The following TLK1 variants were observed in gnomAD, a reference collection of about 807,000 sequenced individuals.
TLK1 encodes the protein serine/threonine-protein kinase tousled-like 1.
TLK1 carries 24 observed loss-of-function variants against 105.3 expected under a neutral mutation model. The ratio of observed to expected loss-of-function variants is 0.23; its 90% CI spans 0.17 to 0.32. The LOEUF (loss-of-function observed/expected upper bound fraction) is 0.32, where lower values mean the gene tolerates loss of function less well. TLK1 is among the 10% of genes least tolerant of loss of function. TLK1 has a pLI of 1.00. For synonymous variants in TLK1, 321 were observed against 310.4 expected (o/e 1.03, Z -0.36); for missense variants, 558 against 910.5 (o/e 0.61, Z 4.98).
chr2:171,177,658 A>G (rs1558981657), intron 1 of TLK1, among the ~76,000 whole-genome samples: 2 of 152,242 alleles, frequency 1.3e-5, no homozygotes, highest in Non-Finnish European at 2.9e-5. Flanking sequence ...AAGTGATAGA[A>G]GTACAGCAAT....
At chr2:171,184,819 C>T (rs1692994255) in intron 1 of TLK1, among the ~76,000 whole-genome samples, 1 of 150,522 alleles carries the variant, frequency 6.6e-6, no homozygotes, top group Admixed American at 6.6e-5. Context: ...TCTCTTTTCA[C>T]CATTTATAAT....
intron 1 of TLK1, among the ~76,000 whole-genome samples, chr2:171,197,476 T>A (rs1693296931): frequency 6.6e-6 from 1 of 152,150 alleles, no homozygotes; most frequent in Non-Finnish European, 1.5e-5. Context: ...ACTACCTGCA[T>A]CAGAATCACT....
At position 171,160,731 on chromosome 2, in the gene TLK1, GGGCC is replaced by G. The variant is rs1427108035; in HGVS notation, c.-307_-304del. The G allele has an allele frequency of 8.8e-6, 4 of 452,934 alleles. No homozygotes were observed. Among genetic ancestry groups the G allele is most frequent in the Non-Finnish European group, 1.5e-5 (4 of 264,228 alleles). 28.1% of individuals were successfully genotyped at this position (452,934 alleles called of 1,614,324 possible). ...CGGAGGCGTCGAGGGGGTGCCAGCC[GGGCC>G]GGGGTCGGAGCGCGGGCGGAGCGCG... On this transcript the variant is annotated 5_prime_UTR_variant, in exon 1 of 21. Transcript: ENST00000431350. This position sits in a 1 kb window ranked among gnomAD's most constrained non-coding sequence, Gnocchi z 4.4.
At chr2:171,119,998 G>C (rs948326320) in intron 1 of TLK1, among the ~76,000 whole-genome samples, 2 of 152,104 alleles carry the variant, frequency 1.3e-5, no homozygotes, top group African/African-American at 2.4e-5. Flanking sequence ...TGAAATCCCA[G>C]CACTTTGGGA....
upstream of TLK1, among the ~76,000 whole-genome samples, chr2:171,164,848 C>T (rs1359905728): frequency 6.6e-6 from 1 of 151,876 alleles, no homozygotes; most frequent in Non-Finnish European, 1.5e-5. Context: ...AGACTGGGCA[C>T]GGTGCCTCAC....
chr2:171,075,705 C>G (rs1688470011), intron 3 of TLK1, among the ~76,000 whole-genome samples: 1 of 152,022 alleles, frequency 6.6e-6, no homozygotes. Flanking sequence ...ATAAATAAAG[C>G]AGATAAATGT....
At chr2:171,087,867 G>A (rs767172490) in intron 2 of TLK1, among the ~76,000 whole-genome samples, 1 of 152,188 alleles carries the variant, frequency 6.6e-6, no homozygotes, top group Non-Finnish European at 1.5e-5. Context: ...AAACAGAGAA[G>A]GTTAAGTAGA....
At chr2:171,031,404 T>C (rs1364268529) in intron 11 of TLK1, among the ~76,000 whole-genome samples, 1 of 152,202 alleles carries the variant, frequency 6.6e-6, no homozygotes, top group Non-Finnish European at 1.5e-5. Flanking sequence ...TCAGTGGCTT[T>C]TAATTATCAA....
intron 12 of TLK1, among the ~76,000 whole-genome samples, chr2:171,023,472 A>G (rs1306167994): frequency 6.6e-6 from 1 of 151,980 alleles, no homozygotes; most frequent in African/African-American, 2.4e-5. Context: ...TCCCTACTAC[A>G]CTATTTAATA....
At chr2:171,199,053 G>C (rs1693349664) in intron 1 of TLK1, among the ~76,000 whole-genome samples, 1 of 152,168 alleles carries the variant, frequency 6.6e-6, no homozygotes, top group African/African-American at 2.4e-5. Flanking sequence ...TTTCAAAAAA[G>C]GGAAAGGATT....
intron 11 of TLK1, among the ~76,000 whole-genome samples, chr2:171,038,914 T>G (rs941089256): frequency 6.6e-6 from 1 of 152,190 alleles, no homozygotes; most frequent in Admixed American, 6.5e-5. Context: ...CATGTTCTAT[T>G]TCTAAGAAAT....
At chr2:171,122,243 C>A (rs982860476) in intron 1 of TLK1, among the ~76,000 whole-genome samples, 5 of 152,132 alleles carry the variant, frequency 3.3e-5, no homozygotes, top group African/African-American at 4.8e-5. Flanking sequence ...GGATTACAGG[C>A]GTGAGCCACC....
chr2:170,993,982 C>T (rs1683921948), intron 20 of TLK1, 26 bp from the exon 21 acceptor site: 2 of 1,557,340 alleles, frequency 1.3e-6, no homozygotes, highest in African/African-American at 1.4e-5. Context: ...GAAATGTTAG[C>T]AATTAATGAT....
At chr2:171,142,509 A>C (rs1377136091) in intron 1 of TLK1, among the ~76,000 whole-genome samples, 2 of 152,234 alleles carry the variant, frequency 1.3e-5, no homozygotes, top group Admixed American at 6.5e-5. Flanking sequence ...CTACAAGGTA[A>C]AATGCAATAC....
chr2:171,008,831 A>G lies in TLK1; in HGVS notation c.1417-1768T>C, dbSNP rs904654044. Among the ~76,000 whole-genome samples, 3 of 7,746 alleles carry G rather than the reference A, an allele frequency of 3.9e-4. No homozygotes were observed. The Non-Finnish European group carries it at 9.9e-3, about 26-fold the overall frequency. 5.1% of individuals were successfully genotyped at this position (7,746 alleles called of 152,430 possible). A position where few individuals can be genotyped will look rare whatever the true frequency, so the allele number is the denominator to read the frequency against. ...AATCTCTATGTAAGCCTCTTCTACA[A>G]AAGTCCTCACCTATGAGGGTAAAAT... On this transcript the variant is annotated intron_variant, in intron 14 of 20. Coordinates refer to ENST00000431350, the MANE Select transcript of TLK1 (RefSeq NM_012290.5).
At chr2:171,148,890 A>AAAAAAAAAAAATATATAT (rs1445171800) in intron 1 of TLK1, among the ~76,000 whole-genome samples, 2 of 138,470 alleles carry the variant, frequency 1.4e-5, no homozygotes, top group African/African-American at 5.4e-5. Context: ...AAAAAAAAAA[A>AAAAAAAAAAAATATATAT]ATATATATAT....
At chr2:171,122,136 G>A (rs545269213) in intron 1 of TLK1, among the ~76,000 whole-genome samples, 4 of 152,152 alleles carry the variant, frequency 2.6e-5, no homozygotes, top group African/African-American at 7.2e-5. Context: ...TAGTGAAGAC[G>A]GGGTTTCACC....
intron 1 of TLK1, among the ~76,000 whole-genome samples, chr2:171,173,383 T>G (rs2105303560): frequency 6.6e-6 from 1 of 152,302 alleles, no homozygotes; most frequent in Middle Eastern, 3.4e-3. Flanking sequence ...CAGGCTGTAG[T>G]GCAGTGGTGT....
At chr2:171,043,592 T>C (rs140725631) in intron 11 of TLK1, among the ~76,000 whole-genome samples, 1 of 152,072 alleles carries the variant, frequency 6.6e-6, no homozygotes, top group African/African-American at 2.4e-5. Context: ...AGGGAGAGAT[T>C]ATAAACATCA....
Sources: gnomAD v4.1 joint callset for allele counts (sites outside exome capture counted in the v4.1 genomes callset) on GRCh38, gnomAD v4.1.1 for gene constraint, Gnocchi (gnomAD v3.1) non-coding constraint, MANE v1.5 for transcripts, NCBI Gene and HGNC (gene_info 2026-07-23, HGNC 2026-07-21) for gene names.